Variants in CDC14A observed in about 807,000 individuals in gnomAD.
CDC14A encodes dual specificity protein phosphatase CDC14A.
In CDC14A, 53 loss-of-function variants were observed where a neutral mutation model predicts 74.4. The ratio of observed to expected loss-of-function variants is 0.71; its 90% confidence interval spans 0.57 to 0.89. CDC14A has a LOEUF of 0.89. Ranked by LOEUF, CDC14A falls within the 40% of genes least tolerant of loss-of-function variation. The probability of loss-of-function intolerance (pLI) is 0.00; values close to 1 mark genes in which losing one functional copy is unlikely to be tolerated. For missense variants in CDC14A, 646 were observed against 713.7 expected (o/e 0.91, Z 1.08); for synonymous variants, 247 against 258.4 (o/e 0.96, Z 0.43).
At chr1:100,482,817 T>C (rs1669621479) in intron 10 of CDC14A, among the ~76,000 whole-genome samples, 1 of 152,032 alleles carries the variant, frequency 6.6e-6, no homozygotes, top group African/African-American at 2.4e-5. Flanking sequence ...TATCGAAAGA[T>C]ATAGATATCT....
intron 15 of CDC14A, among the ~76,000 whole-genome samples, chr1:100,507,376 G>T (rs1649330430): frequency 6.6e-6 from 1 of 152,012 alleles, no homozygotes; most frequent in Admixed American, 6.6e-5. Flanking sequence ...GCTATATACA[G>T]ATTCATTATT....
chr1:100,363,471 G>C (rs1653086928), intron 2 of CDC14A, among the ~76,000 whole-genome samples: 1 of 152,156 alleles, frequency 6.6e-6, no homozygotes, highest in Non-Finnish European at 1.5e-5. Context: ...ATTTGTTGTT[G>C]ACAGTGAATT....
chr1:100,429,957 T>G (rs987454397), intron 5 of CDC14A, among the ~76,000 whole-genome samples: 12 of 152,002 alleles, frequency 7.9e-5, no homozygotes, highest in African/African-American at 2.9e-4. Flanking sequence ...TTGCCCAGGG[T>G]GGGCTTGAAC....
chr1:100,451,144 A>G (rs944795200), intron 7 of CDC14A, among the ~76,000 whole-genome samples: 2 of 152,232 alleles, frequency 1.3e-5, no homozygotes, highest in Non-Finnish European at 2.9e-5. Context: ...AAGTGCATCC[A>G]GTTCCAAGTT....
intron 15 of CDC14A, among the ~76,000 whole-genome samples, chr1:100,502,758 A>G (rs1416568432): frequency 6.6e-6 from 1 of 152,136 alleles, no homozygotes; most frequent in Non-Finnish European, 1.5e-5. Flanking sequence ...ATCTCCCCTA[A>G]TGATGTTTAC....
chr1:100,451,786 G>A (rs902528726), intron 7 of CDC14A, among the ~76,000 whole-genome samples: 1 of 152,234 alleles, frequency 6.6e-6, no homozygotes. Context: ...ACCTCATAGG[G>A]TTGCTATGAG....
At chr1:100,470,769 A>G (rs1557796503) in intron 10 of CDC14A, among the ~76,000 whole-genome samples, 1 of 152,198 alleles carries the variant, frequency 6.6e-6, no homozygotes, top group Non-Finnish European at 1.5e-5. Flanking sequence ...ATGTCAACCA[A>G]AATGGCAAAC....
At chr1:100,471,184 G>A (rs1019392770) in intron 10 of CDC14A, among the ~76,000 whole-genome samples, 2 of 152,060 alleles carry the variant, frequency 1.3e-5, no homozygotes, top group African/African-American at 4.8e-5. Flanking sequence ...AATAATACAT[G>A]CTGTATAGAT....
intron 4 of CDC14A, among the ~76,000 whole-genome samples, chr1:100,401,367 G>C (rs926079238): frequency 6.6e-6 from 1 of 152,134 alleles, no homozygotes; most frequent in Non-Finnish European, 1.5e-5. Context: ...ATAAGTCTTG[G>C]TTGACTTCCA....
intron 7 of CDC14A, among the ~76,000 whole-genome samples, chr1:100,446,722 G>C (rs1198968821): frequency 6.6e-6 from 1 of 152,036 alleles, no homozygotes; most frequent in Non-Finnish European, 1.5e-5. Context: ...TTTTGAGAGA[G>C]GGTCTCGCTC....
chr1:100,407,860 A>G (rs986582526), intron 4 of CDC14A, among the ~76,000 whole-genome samples: 9 of 152,290 alleles, frequency 5.9e-5, no homozygotes, highest in South Asian at 2.1e-4. Flanking sequence ...AATTGTACAT[A>G]TTCATGGGAT....
At chr1:100,411,318 G>T (rs1660676293) in intron 4 of CDC14A, among the ~76,000 whole-genome samples, 1 of 152,136 alleles carries the variant, frequency 6.6e-6, no homozygotes, top group African/African-American at 2.4e-5. Context: ...TGTTGTCTCT[G>T]TGTACCTTTC....
At chr1:100,454,302 A>G (rs929984603) in intron 7 of CDC14A, among the ~76,000 whole-genome samples, 1 of 151,832 alleles carries the variant, frequency 6.6e-6, no homozygotes, top group African/African-American at 2.4e-5. Flanking sequence ...CCCAGTGAAG[A>G]GAACAACATT....
chr1:100,507,770 C>T (rs1335510607), intron 15 of CDC14A, among the ~76,000 whole-genome samples: 1 of 152,122 alleles, frequency 6.6e-6, no homozygotes, highest in Non-Finnish European at 1.5e-5. Flanking sequence ...TTCTCCACCT[C>T]CCAGGTTCAA....
chr1:100,408,699 T>G (rs1369363284), intron 4 of CDC14A, among the ~76,000 whole-genome samples: 3 of 152,218 alleles, frequency 2.0e-5, no homozygotes, highest in Non-Finnish European at 4.4e-5. Context: ...CTTATGCTTG[T>G]TGACTGCATG....
At position 100,484,356 on chromosome 1, in the gene CDC14A, A is replaced by G. The variant is rs1279269380; in HGVS notation, c.1042A>G (p.Ser348Gly). ...ATCCAAACTGAAAAATCGACCATCC[A>G]GTGAAGGAAGTATTAATAAAATTCT... ...FRSKLKNRPS[S>G]EGSINKILSG... is the part of the protein sequence containing the mutation. The change falls in exon 11 of 16, where the codon AGT (serine) becomes GGT (glycine). Residue 348 changes from serine (S) to glycine (G), a missense_variant. Coordinates refer to ENST00000336454, the MANE Select transcript of CDC14A (RefSeq NM_003672.4). 21 of 1,606,612 alleles carry G rather than the reference A, an allele frequency of 1.3e-5. No homozygotes were observed. The highest frequency in any genetic ancestry group is 1.5e-5 in the Non-Finnish European group (18 of 1,176,594).
intron 10 of CDC14A, among the ~76,000 whole-genome samples, chr1:100,477,960 G>A (rs984747105): frequency 6.6e-6 from 1 of 152,108 alleles, no homozygotes; most frequent in African/African-American, 2.4e-5. Context: ...TTATTCACTG[G>A]CAGTAAGAGA....
chr1:100,499,368 G>A, intron 15 of CDC14A, 106 bp downstream of exon 15: 1 of 1,610,804 alleles, frequency 6.2e-7, no homozygotes, highest in South Asian at 1.1e-5. Context: ...TAGTGCCAAG[G>A]AAGCCTTCTG....
intron 2 of CDC14A, among the ~76,000 whole-genome samples, chr1:100,361,847 C>T (rs981249481): frequency 1.3e-5 from 2 of 152,060 alleles, no homozygotes; most frequent in Admixed American, 1.3e-4. Context: ...GTGCTGCCAT[C>T]GCTCGAAGGT....
Sources: gnomAD v4.1 joint callset for allele counts (sites outside exome capture counted in the v4.1 genomes callset) on GRCh38, gnomAD v4.1.1 for gene constraint, MANE v1.5 for transcripts, NCBI Gene and HGNC (gene_info 2026-07-23, HGNC 2026-07-21) for gene names.